HACE1: variants seen among roughly 807,000 people sequenced by gnomAD.
HACE1 encodes the protein HECT domain and ankyrin repeat containing E3 ubiquitin protein ligase 1, also known as E3 ubiquitin-protein ligase HACE1.
HACE1 carries 73 observed loss-of-function variants against 118.4 expected under a neutral mutation model. The ratio of observed to expected loss-of-function variants is 0.62; its 90% CI spans 0.51 to 0.75. The LOEUF is 0.75. Among genes scored for constraint, HACE1 ranks in the 30% least tolerant of loss-of-function variants. The pLI is 0.00. For synonymous variants in HACE1, 368 were observed against 374.8 expected, an observed-to-expected ratio of 0.98 and a Z score of 0.21; for missense variants, 749 against 1,102.2, an observed-to-expected ratio of 0.68 and a Z score of 4.54.
chr6:104,735,830 A>G (rs1372786520), intron 22 of HACE1, among the ~76,000 whole-genome samples: 4 of 152,178 alleles, frequency 2.6e-5, no homozygotes, highest in African/African-American at 9.6e-5. Flanking sequence ...TAGAAGCACA[A>G]AATATTCCTT....
Position 104,777,720 on chromosome 6 carries a change from T to C in HACE1, c.1567-403A>G, listed in dbSNP as rs181916902. Among the ~76,000 whole-genome samples the C allele has an allele frequency of 2.2e-4, 34 of 152,324 alleles. No homozygotes were observed. In the East Asian group the frequency reaches 6.2e-3, roughly 28 times the overall value. ...TTTAATTTTTCATGAAAATAATCTC[T>C]TACACCTAATCTTATTTATTTATTT... On this transcript the variant is annotated intron_variant, in intron 14 of 23. Transcript: ENST00000262903.
At chr6:104,849,273 G>A in intron 3 of HACE1, 27 bp from the exon 4 acceptor site, 1 of 1,280,216 alleles carries the variant, frequency 7.8e-7, no homozygotes, top group East Asian at 2.3e-5. Context: ...AGACAGTTCA[G>A]ATACATTCAA....
At chr6:104,827,531 T>C (rs1410366064) in intron 6 of HACE1, among the ~76,000 whole-genome samples, 1 of 152,082 alleles carries the variant, frequency 6.6e-6, no homozygotes, top group East Asian at 1.9e-4. Flanking sequence ...AAAGTAACAG[T>C]GGTAAGAGAA....
At chr6:104,754,438 A>C (rs188110367) in intron 19 of HACE1, among the ~76,000 whole-genome samples, 19 of 152,298 alleles carry the variant, frequency 1.2e-4, no homozygotes, top group African/African-American at 4.1e-4. Context: ...GATCAACCCC[A>C]AGACATATAA....
chr6:104,800,304 C>CAGCAG (rs1343115528), intron 7 of HACE1, among the ~76,000 whole-genome samples: 2 of 152,192 alleles, frequency 1.3e-5, no homozygotes, highest in Non-Finnish European at 2.9e-5. Context: ...GAAAAAAAGG[C>CAGCAG]AGCAGATAAC....
intron 5 of HACE1, among the ~76,000 whole-genome samples, chr6:104,836,239 G>A (rs377477177): frequency 4.6e-5 from 7 of 152,250 alleles, no homozygotes; most frequent in African/African-American, 9.6e-5. Context: ...AGAAGTCTCC[G>A]TAAGAGACTC....
chr6:104,840,358 T>C (rs1009518034), intron 5 of HACE1, among the ~76,000 whole-genome samples: 3 of 152,138 alleles, frequency 2.0e-5, no homozygotes, highest in Non-Finnish European at 4.4e-5. Flanking sequence ...AATAATTGTA[T>C]TGGAGGGATA....
intron 19 of HACE1, among the ~76,000 whole-genome samples, chr6:104,751,521 A>G (rs1778041840): frequency 6.6e-6 from 1 of 152,136 alleles, no homozygotes; most frequent in Admixed American, 6.5e-5. Flanking sequence ...CCTAGTTACT[A>G]GGGGAGGCTG....
chr6:104,817,891 T>C (rs1393091318), intron 6 of HACE1, among the ~76,000 whole-genome samples: 1 of 152,140 alleles, frequency 6.6e-6, no homozygotes, highest in Non-Finnish European at 1.5e-5. Flanking sequence ...TTAAATAATA[T>C]CTAAAAGTCA....
chr6:104,850,607 G>T (rs1776108786), intron 3 of HACE1, among the ~76,000 whole-genome samples: 1 of 152,130 alleles, frequency 6.6e-6, no homozygotes, highest in Non-Finnish European at 1.5e-5. Flanking sequence ...ATATTGCTGG[G>T]ATAAAAAGAA....
chr6:104,850,270 C>T (rs1582777761), intron 3 of HACE1, among the ~76,000 whole-genome samples: 1 of 152,024 alleles, frequency 6.6e-6, no homozygotes, highest in African/African-American at 2.4e-5. Context: ...ATTATTTTTA[C>T]CTATAATTTG....
intron 22 of HACE1, among the ~76,000 whole-genome samples, chr6:104,735,752 T>C (rs1168469296): frequency 6.6e-6 from 1 of 152,110 alleles, no homozygotes; most frequent in African/African-American, 2.4e-5. Flanking sequence ...ATTATAAAAA[T>C]TTATATATTC....
rs1441634780 is a variant in HACE1 at position 104,820,011 on chromosome 6, A to G, written c.535-8618T>C. Among the ~76,000 whole-genome samples, 6 of 152,108 alleles carry G rather than the reference A, an allele frequency of 3.9e-5. No homozygotes were observed. In the East Asian group the frequency reaches 1.2e-3, roughly 29 times the overall value. On this transcript the variant is annotated intron_variant, in intron 6 of 23. Coordinates refer to ENST00000262903, the MANE Select transcript of HACE1 (RefSeq NM_020771.4). ...AGAGTTCGAGACCACCCTGACCAAC[A>G]TGGCAAAACCCCATCTCTACTAAAA...
intron 5 of HACE1, among the ~76,000 whole-genome samples, chr6:104,838,128 C>T (rs540981651): frequency 1.2e-4 from 18 of 152,266 alleles, no homozygotes; most frequent in African/African-American, 3.9e-4. Context: ...AATGTCCATA[C>T]TACTCAAAGC....
At chr6:104,756,263 T>A (rs993113012) in intron 19 of HACE1, among the ~76,000 whole-genome samples, 2 of 151,224 alleles carry the variant, frequency 1.3e-5, no homozygotes, top group Non-Finnish European at 2.9e-5. Flanking sequence ...ACACAAAAAA[T>A]TAGCCAGGCA....
chr6:104,780,055 C>A (rs549664453), intron 14 of HACE1, among the ~76,000 whole-genome samples: 188 of 152,120 alleles, frequency 1.2e-3, no homozygotes, highest in Non-Finnish European at 2.3e-3. Flanking sequence ...ATACTCAATA[C>A]CTAGAATGCT....
chr6:104,772,784 TATAAA>T (rs1404784670), intron 17 of HACE1, among the ~76,000 whole-genome samples: 1 of 152,172 alleles, frequency 6.6e-6, no homozygotes, highest in African/African-American at 2.4e-5. Context: ...AATCCACTTT[TATAAA>T]ATATCTAGAA....
intron 3 of HACE1, among the ~76,000 whole-genome samples, chr6:104,850,236 C>T (rs1021062230): frequency 6.6e-6 from 1 of 152,116 alleles, no homozygotes; most frequent in Admixed American, 6.5e-5. Context: ...AGGTGTGAGC[C>T]CCTGTGCATG....
At chr6:104,840,850 C>G (rs184836643) in intron 5 of HACE1, among the ~76,000 whole-genome samples, 3 of 152,314 alleles carry the variant, frequency 2.0e-5, no homozygotes, top group Non-Finnish European at 4.4e-5. Flanking sequence ...GAAATCCCAG[C>G]TACTCAGGAG....
Sources: allele counts gnomAD v4.1 joint callset (sites outside exome capture counted in the v4.1 genomes callset), GRCh38; gene constraint gnomAD v4.1.1; transcripts MANE v1.5; gene names NCBI Gene and HGNC (gene_info 2026-07-23, HGNC 2026-07-21).